PI4KB: variants seen among roughly 807,000 people sequenced by gnomAD.
PI4KB encodes phosphatidylinositol 4-kinase beta, also known as PtdIns 4-kinase beta.
A neutral mutation model predicts 81.4 loss-of-function variants in PI4KB; 23 were observed. The observed-to-expected ratio is 0.28, with a 90% CI of 0.20 to 0.40. The LOEUF (loss-of-function observed/expected upper bound fraction) is 0.40. Ranked by LOEUF, PI4KB falls within the 10% of genes least tolerant of loss-of-function variation. The pLI is 1.00. For synonymous variants in PI4KB, 381 were observed against 406.8 expected (o/e 0.94, Z 0.76); for missense variants, 651 against 1,036.6 (o/e 0.63, Z 5.11).
chr1:151,310,092 G>A (rs1289831514), intron 3 of PI4KB, 119 bp downstream of exon 3: 7 of 704,652 alleles, frequency 9.9e-6, no homozygotes, highest in African/African-American at 7.1e-5. Context: ...TGATCTCCCA[G>A]TAAGAAAAGG....
At chr1:151,298,490 T>G in intron 9 of PI4KB, 2 of 351,230 alleles carry the variant, frequency 5.7e-6, no homozygotes, top group Non-Finnish European at 5.3e-6. Context: ...TTTAATCACA[T>G]TCAATTATTT....
chr1:151,311,413 C>G (rs902286044), intron 2 of PI4KB, among the ~76,000 whole-genome samples: 1 of 152,244 alleles, frequency 6.6e-6, no homozygotes, highest in Non-Finnish European at 1.5e-5. Flanking sequence ...CAGTTCTATT[C>G]TAGCTGGAGG....
chr1:151,327,698 A>G (rs1649860642), upstream of PI4KB: 2 of 280,304 alleles, frequency 7.1e-6, no homozygotes, highest in African/African-American at 2.2e-5. Flanking sequence ...CTGTTCAGAA[A>G]TAGAAAAGGG....
chr1:151,325,723 G>A (rs1406922022), intron 1 of PI4KB, among the ~76,000 whole-genome samples: 1 of 152,188 alleles, frequency 6.6e-6, no homozygotes, highest in Non-Finnish European at 1.5e-5. Context: ...AAAGACCAAG[G>A]TGAAGGAAAA....
intron 4 of PI4KB, 122 bp from the exon 5 acceptor site, chr1:151,306,485 C>T: frequency 1.5e-6 from 1 of 663,206 alleles, no homozygotes; most frequent in Non-Finnish European, 2.7e-6. Flanking sequence ...TCCAATAGTC[C>T]TCTGAAACTA....
At position 151,293,766 on chromosome 1, in the gene PI4KB, G is replaced by A. The variant is rs1157456213; in HGVS notation, c.2269+252C>T. The A allele has an allele frequency of 2.6e-5, 12 of 455,434 alleles. 1 individual carries two copies. The highest frequency in any genetic ancestry group is 4.3e-5 in the Non-Finnish European group (11 of 253,198). 28.2% of individuals were successfully genotyped at this position (455,434 alleles called of 1,614,324 possible). A position where few individuals can be genotyped will look rare whatever the true frequency, so the allele number is the denominator to read the frequency against. ...GAAGGGACCAGGAGGCTGTAAATGGGCCTGTTTTCTCCCTAAAGATGCCAA... is the reference window on the plus strand; with the variant it reads ...GAAGGGACCAGGAGGCTGTAAATGGACCTGTTTTCTCCCTAAAGATGCCAA... On this transcript the variant is annotated intron_variant, in intron 11 of 11. Transcript: ENST00000368873.
At chr1:151,293,724 CAG>C (rs1426653927) in intron 11 of PI4KB, 4 of 371,620 alleles carry the variant, frequency 1.1e-5, no homozygotes, top group African/African-American at 2.1e-5. Context: ...CAGAGCTGGA[CAG>C]GGGTGGGGAG....
intron 5 of PI4KB, 142 bp from the exon 6 acceptor site, chr1:151,303,792 A>T: frequency 1.5e-6 from 1 of 649,774 alleles, no homozygotes; most frequent in Non-Finnish European, 2.8e-6. Context: ...CTGGGACCCC[A>T]GGCTGCCCAG....
Position 151,315,978 on chromosome 1 carries a change from G to T in PI4KB, c.504C>A (p.Arg168=). ...GCAGATAGAAGTCCACGTCCTCGTT[G>T]CGAAAGCAGAAGAGCCGGTTGCCAA... The part of the protein sequence containing the change: ...AYIGNRLFCF[R]NEDVDFYLPQ... The change falls in exon 2 of 12, where the codon CGC becomes CGA. Residue 168 remains arginine, a synonymous_variant. Coordinates refer to ENST00000368873, the MANE Select transcript of PI4KB (RefSeq NM_001369623.2). The T allele has an allele frequency of 6.2e-7, 1 of 1,613,142 alleles. No homozygotes were observed. Among genetic ancestry groups the T allele is most frequent in the South Asian group, 1.1e-5 (1 of 91,064 alleles).
intron 1 of PI4KB, among the ~76,000 whole-genome samples, chr1:151,318,856 G>A (rs947568124): frequency 6.6e-6 from 1 of 152,142 alleles, no homozygotes; most frequent in Non-Finnish European, 1.5e-5. Context: ...TCACTTAGAA[G>A]AAGGCAGCTC....
chr1:151,300,575 C>G (rs1335224661), intron 8 of PI4KB: 1 of 152,144 alleles, frequency 6.6e-6, no homozygotes, highest in African/African-American at 2.4e-5. Context: ...CCATTGCACT[C>G]CAGCCTGGGA....
chr1:151,299,668 C>T (rs587687205), intron 8 of PI4KB, among the ~76,000 whole-genome samples: 4 of 151,504 alleles, frequency 2.6e-5, no homozygotes, highest in Admixed American at 6.6e-5. Context: ...CCAGCCTGGG[C>T]GACAGAGCGA....
At chr1:151,302,579 T>C (rs1361655609) in intron 6 of PI4KB, among the ~76,000 whole-genome samples, 1 of 142,206 alleles carries the variant, frequency 7.0e-6, no homozygotes. Context: ...TTTCTTTTCT[T>C]TTTTTTTTTT....
At chr1:151,293,664 C>A in intron 11 of PI4KB, 1 of 312,130 alleles carries the variant, frequency 3.2e-6, no homozygotes. Flanking sequence ...ACAGGGCAAT[C>A]AGAGGTCATA....
intron 1 of PI4KB, 97 bp from the exon 2 acceptor site, chr1:151,316,606 T>C (rs1647985065): frequency 3.9e-6 from 3 of 763,806 alleles, no homozygotes; most frequent in Non-Finnish European, 5.9e-6. Context: ...CTATGACACC[T>C]TCCCAGGCAC....
At chr1:151,320,813 T>C (rs1191385042) in intron 1 of PI4KB, among the ~76,000 whole-genome samples, 2 of 152,234 alleles carry the variant, frequency 1.3e-5, no homozygotes, top group African/African-American at 4.8e-5. Context: ...TCAACTTCTT[T>C]TTCTCAGTCT....
rs913114696 is a variant in PI4KB, at chr1:151,316,329, G to A, written c.153C>T (p.Ala51=). The A allele has an allele frequency of 4.3e-6, 7 of 1,613,696 alleles. No individual in the cohort carries two copies. The highest frequency in any genetic ancestry group is 5.1e-6 in the Non-Finnish European group (6 of 1,179,852). Reference sequence around the variant, plus strand: ...TGACTTTCTCCAACACCTCCTGGCAGGCCTTCTGGGCCACCTCAGGGTCAA... The same window carrying A: ...TGACTTTCTCCAACACCTCCTGGCAAGCCTTCTGGGCCACCTCAGGGTCAA... ...SVIDPEVAQK[A]CQEVLEKVKL... is the part of the protein sequence containing the mutation. The change falls in exon 2 of 12, where the codon GCC becomes GCT. Residue 51 remains alanine, a synonymous_variant. Transcript: ENST00000368873.
chr1:151,296,238 C>T (rs933911222), intron 9 of PI4KB, among the ~76,000 whole-genome samples: 1 of 152,164 alleles, frequency 6.6e-6, no homozygotes, highest in Admixed American at 6.5e-5. Flanking sequence ...CAGAGCAAGA[C>T]TCTGTCTCAC....
At chr1:151,300,051 G>A (rs1258285210) in intron 8 of PI4KB, among the ~76,000 whole-genome samples, 1 of 152,196 alleles carries the variant, frequency 6.6e-6, no homozygotes, top group African/African-American at 2.4e-5. Context: ...AGTAATTTCA[G>A]ATTAGAAATC....
Sources: allele counts gnomAD v4.1 joint callset (sites outside exome capture counted in the v4.1 genomes callset), GRCh38; gene constraint gnomAD v4.1.1; transcripts MANE v1.5; gene names NCBI Gene and HGNC (gene_info 2026-07-23, HGNC 2026-07-21).